The following LRRC2 variants were observed in gnomAD, a reference collection of about 807,000 sequenced individuals.
The protein encoded by LRRC2 is leucine rich repeat containing 2.
LRRC2 carries 27 observed loss-of-function variants against 40.2 expected under a neutral mutation model. The observed-to-expected ratio is 0.67, with a 90% confidence interval of 0.49 to 0.93. LRRC2 has a LOEUF of 0.93. Among genes scored for constraint, LRRC2 ranks in the 40% least tolerant of loss-of-function variants. The probability of loss-of-function intolerance (pLI) is 0.00; values close to 1 mark genes in which losing one functional copy is unlikely to be tolerated. For missense variants in LRRC2, 402 were observed against 439.6 expected (o/e 0.91, Z 0.76); for synonymous variants, 147 against 158.9 (o/e 0.92, Z 0.56).
chr3:46,532,402 A>AGAG (rs1704178184), intron 5 of LRRC2, among the ~76,000 whole-genome samples: 1 of 152,116 alleles, frequency 6.6e-6, no homozygotes, highest in African/African-American at 2.4e-5. Flanking sequence ...GTCAGGAGTT[A>AGAG]GAGACCAGCC....
At chr3:46,552,594 C>G (rs1262832773) in intron 1 of LRRC2, among the ~76,000 whole-genome samples, 1 of 152,140 alleles carries the variant, frequency 6.6e-6, no homozygotes, top group African/African-American at 2.4e-5. Context: ...TGCCTTCTTT[C>G]CTCAGTCCGG....
intron 1 of LRRC2, chr3:46,559,594 A>G (rs771966948): frequency 6.6e-6 from 1 of 152,232 alleles, no homozygotes; most frequent in Non-Finnish European, 1.5e-5. Flanking sequence ...ATGAATTTCT[A>G]TGTATTAACT....
intron 2 of LRRC2, among the ~76,000 whole-genome samples, chr3:46,548,816 G>C (rs1444882677): frequency 1.3e-5 from 2 of 152,192 alleles, no homozygotes; most frequent in Non-Finnish European, 2.9e-5. Context: ...GGATAAAACT[G>C]TTCCACCTCA....
intron 2 of LRRC2, among the ~76,000 whole-genome samples, chr3:46,547,385 T>C (rs1435535083): frequency 6.6e-6 from 1 of 151,952 alleles, no homozygotes; most frequent in Non-Finnish European, 1.5e-5. Context: ...AAGTGATAAA[T>C]TTAAAAATAT....
chr3:46,528,293 CTTT>C (rs10706448), intron 6 of LRRC2, among the ~76,000 whole-genome samples: 4 of 147,068 alleles, frequency 2.7e-5, no homozygotes. Context: ...CTTTGGTACA[CTTT>C]TTTTTTTTTT....
rs1559411858 is a variant in LRRC2, at chr3:46,533,750, T to TTCCTTCCTTCC, written c.491-842_491-841insGGAAGGAAGGA. Among the ~76,000 whole-genome samples, 206 of 109,750 alleles carry TTCCTTCCTTCC rather than the reference T, an allele frequency of 1.9e-3. 1 individual carries two copies. The highest frequency in any genetic ancestry group is 4.5e-3 in the Middle Eastern group (1 of 224). 72.0% of individuals were successfully genotyped at this position (109,750 alleles called of 152,430 possible). ...CCTTCCTTCCTTCCTTCCTTCCTTCTTCCTTCCCTCCCTCCCTCCCTCTCT... is the reference window on the plus strand; with the variant it reads ...CCTTCCTTCCTTCCTTCCTTCCTTCTTCCTTCCTTCCTCCTTCCCTCCCTCCCTCCCTCTCT... On this transcript the variant is annotated intron_variant, in intron 4 of 8. Coordinates refer to ENST00000395905, the MANE Select transcript of LRRC2 (RefSeq NM_024512.5).
intron 1 of LRRC2, among the ~76,000 whole-genome samples, chr3:46,553,677 G>A (rs535723260): frequency 3.9e-5 from 6 of 152,108 alleles, no homozygotes; most frequent in South Asian, 4.2e-4. Context: ...TTGTGGAAGC[G>A]GGGCCTCGCT....
At chr3:46,528,795 T>C (rs1318195897) in intron 6 of LRRC2, among the ~76,000 whole-genome samples, 2 of 152,344 alleles carry the variant, frequency 1.3e-5, no homozygotes, top group East Asian at 3.9e-4. Flanking sequence ...TGTGTCATCA[T>C]AGCTTGCTTG....
intron 8 of LRRC2, among the ~76,000 whole-genome samples, chr3:46,519,729 G>C (rs1703931843): frequency 6.6e-6 from 1 of 152,214 alleles, no homozygotes; most frequent in South Asian, 2.1e-4. Context: ...GGACCAGTGA[G>C]GGCTTCACAT....
At chr3:46,554,156 A>C (rs1704733763) in intron 1 of LRRC2, among the ~76,000 whole-genome samples, 1 of 152,042 alleles carries the variant, frequency 6.6e-6, no homozygotes, top group Non-Finnish European at 1.5e-5. Flanking sequence ...AGTAGCTGGG[A>C]CTACAGACAT....
intron 2 of LRRC2, 136 bp downstream of exon 2, chr3:46,551,331 T>C (rs1299209327): frequency 2.8e-6 from 3 of 1,064,450 alleles, no homozygotes; most frequent in Non-Finnish European, 4.1e-6. Context: ...TGTAAGGCTC[T>C]GAAGTTTAAT....
chr3:46,551,870 C>T (rs573653467), intron 1 of LRRC2, among the ~76,000 whole-genome samples: 4 of 150,178 alleles, frequency 2.7e-5, no homozygotes, highest in Non-Finnish European at 4.4e-5. Context: ...ACGATCATAG[C>T]TCCAACTGCA....
rs114241549 is a variant in LRRC2, at chr3:46,548,271, A to G, written c.126-3018T>C. Reference sequence around the variant, plus strand: ...TGTACCCCATTAAAAATAATTATATACCAAATCTATTTTGTATTATTTCTT... The same window carrying G: ...TGTACCCCATTAAAAATAATTATATGCCAAATCTATTTTGTATTATTTCTT... On this transcript the variant is annotated intron_variant, in intron 2 of 8. Coordinates refer to ENST00000395905, the MANE Select transcript of LRRC2 (RefSeq NM_024512.5). Among the ~76,000 whole-genome samples the G allele has an allele frequency of 2.8e-3, 420 of 152,258 alleles. 1 individual carries two copies. Among genetic ancestry groups the G allele is most frequent in the African/African-American group, 9.7e-3 (405 of 41,542 alleles).
At chr3:46,525,844 G>A (rs1338155310) in intron 7 of LRRC2, among the ~76,000 whole-genome samples, 1 of 151,950 alleles carries the variant, frequency 6.6e-6, no homozygotes, top group Non-Finnish European at 1.5e-5. Context: ...TCATGTAAGA[G>A]GACTATTTTC....
In LRRC2 at chr3:46,516,812, C is replaced by G. The variant is rs1213405139; in HGVS notation, c.*2202G>C. The G allele has an allele frequency of 6.6e-6, 1 of 152,320 alleles. No individual in the cohort carries two copies. Among genetic ancestry groups the G allele is most frequent in the African/African-American group, 2.4e-5 (1 of 41,458 alleles). 9.4% of individuals were successfully genotyped at this position (152,320 alleles called of 1,614,324 possible). On this transcript the variant is annotated 3_prime_UTR_variant, in exon 9 of 9. Coordinates refer to ENST00000395905, the MANE Select transcript of LRRC2 (RefSeq NM_024512.5). The stretch of plus-strand genomic sequence containing the variant: ...TCTTCATGTGAACTCCATCCCCCAA[C>G]CCCCTCGCTGGGGACATGCCCAGGT...
At position 46,545,159 on chromosome 3, in the gene LRRC2, G is replaced by A. The variant is rs201502772; in HGVS notation, c.220C>T (p.Arg74Trp). 1.0e-4 allele frequency: 161 copies of A among 1,614,094 alleles called. 1 individual carries two copies. In the South Asian group the frequency reaches 1.5e-3, roughly 15 times the overall value. The change falls in exon 3 of 9, where the codon CGG (arginine) becomes TGG (tryptophan). Residue 74 changes from arginine (R) to tryptophan (W), a missense_variant. Transcript: ENST00000395905. ...CKNGFIDTSV[R>W]LLDKIERNTL... The stretch of plus-strand genomic sequence containing the variant: ...TTCCTTTCAATCTTGTCCAGAAGCC[G>A]CACGCTGGTGTCTATGAAGCCATTC...
intron 1 of LRRC2, among the ~76,000 whole-genome samples, chr3:46,561,546 AAGAG>A (rs1178176213): frequency 9.0e-6 from 1 of 110,534 alleles, no homozygotes; most frequent in Non-Finnish European, 2.0e-5. Context: ...AAAAAACAAA[AAGAG>A]AGGGGAGAGG....
chr3:46,529,959 T>C lies in LRRC2; in HGVS notation c.719A>G (p.Gln240Arg). ...GTTATTGCTGCTGATATCCAACCACTGCAAATTCGACATCCGCAGGACACA... is the reference window on the plus strand; with the variant it reads ...GTTATTGCTGCTGATATCCAACCACCGCAAATTCGACATCCGCAGGACACA... ...PICVLRMSNL[Q>R]WLDISSNNLT... The change falls in exon 6 of 9, where the codon CAG (glutamine) becomes CGG (arginine). Residue 240 changes from glutamine (Q) to arginine (R), a missense_variant. Coordinates refer to ENST00000395905, the MANE Select transcript of LRRC2 (RefSeq NM_024512.5). The C allele has an allele frequency of 3.7e-6, 6 of 1,614,158 alleles. No homozygotes were observed. Among genetic ancestry groups the C allele is most frequent in the Non-Finnish European group, 5.1e-6 (6 of 1,180,002 alleles).
At position 46,532,836 on chromosome 3, in the gene LRRC2, A is replaced by T; in HGVS notation, c.564T>A (p.Asp188Glu). The stretch of plus-strand genomic sequence containing the variant: ...AATCCAGTCTCTCTAGATTTTCACA[A>T]TCTCCCAATTCTGGAGGAATGCTCT... ...YLKSIPPELG[D>E]CENLERLDCS... Residue 188 changes from aspartate to glutamate, a missense_variant, in exon 5 of 9, where the codon GAT (aspartate) becomes GAA (glutamate). Coordinates refer to ENST00000395905, the MANE Select transcript of LRRC2 (RefSeq NM_024512.5). 6.2e-7 allele frequency: 1 copy of T among 1,613,996 alleles called. No homozygotes were observed. The highest frequency in any genetic ancestry group is 8.5e-7 in the Non-Finnish European group (1 of 1,179,912).
Sources: allele counts gnomAD v4.1 joint callset (sites outside exome capture counted in the v4.1 genomes callset), GRCh38; gene constraint gnomAD v4.1.1; transcripts MANE v1.5; gene names NCBI Gene and HGNC (gene_info 2026-07-23, HGNC 2026-07-21).